The following ARK2C variants were observed in gnomAD, a reference collection of about 807,000 sequenced individuals.
ARK2C encodes arkadia (RNF111) C-terminal like ring finger ubiquitin ligase 2C.
chr18:46,369,377 G>A, the ARK2C span, among the ~76,000 whole-genome samples: 6 of 152,028 alleles, frequency 3.9e-5, no homozygotes, highest in Admixed American at 3.3e-4. Flanking sequence ...GTGTGTGTGT[G>A]TGCTGGGGTG....
the ARK2C span, chr18:46,435,301 G>A: frequency 6.2e-7 from 1 of 1,614,088 alleles, no homozygotes; most frequent in Non-Finnish European, 8.5e-7. Flanking sequence ...GGAGTCAGGA[G>A]CGTGTATCTG....
At chr18:46,353,936 G>A in the ARK2C span, among the ~76,000 whole-genome samples, 1 of 152,094 alleles carries the variant, frequency 6.6e-6, no homozygotes, top group Non-Finnish European at 1.5e-5. Flanking sequence ...TTTATTGGAA[G>A]CCTGGAAAGG....
At chr18:46,368,635 G>A in the ARK2C span, among the ~76,000 whole-genome samples, 1 of 152,210 alleles carries the variant, frequency 6.6e-6, no homozygotes, top group African/African-American at 2.4e-5. Context: ...TTAATCAGTT[G>A]CACAAGGCAC....
the ARK2C span, among the ~76,000 whole-genome samples, chr18:46,364,607 T>C: frequency 2.6e-5 from 4 of 152,288 alleles, no homozygotes; most frequent in African/African-American, 9.6e-5. Flanking sequence ...GATTGGCTTA[T>C]AGCTGGATTT....
At chr18:46,407,757 C>T in the ARK2C span, among the ~76,000 whole-genome samples, 1 of 152,196 alleles carries the variant, frequency 6.6e-6, no homozygotes, top group Non-Finnish European at 1.5e-5. Context: ...TGAGACATAT[C>T]TGGAGAATAC....
the ARK2C span, among the ~76,000 whole-genome samples, chr18:46,349,943 T>C: frequency 6.6e-6 from 1 of 152,186 alleles, no homozygotes; most frequent in African/African-American, 2.4e-5. Flanking sequence ...CATACAGTTA[T>C]AACAGCAGCA....
the ARK2C span, among the ~76,000 whole-genome samples, chr18:46,365,226 G>T: frequency 6.6e-6 from 1 of 152,212 alleles, no homozygotes; most frequent in South Asian, 2.1e-4. Flanking sequence ...AGTGGCCTAA[G>T]CTCAGACCTT....
chr18:46,335,792 G>T, the ARK2C span: 1 of 593,134 alleles, frequency 1.7e-6, no homozygotes, highest in Non-Finnish European at 2.1e-6. Flanking sequence ...AGGCAAGCTT[G>T]GCCCCCTTAG....
At chr18:46,405,070 A>G in the ARK2C span, among the ~76,000 whole-genome samples, 1 of 152,196 alleles carries the variant, frequency 6.6e-6, no homozygotes, top group South Asian at 2.1e-4. Context: ...GGTAAGGCTC[A>G]TCATAGAACC....
chr18:46,414,202 C>T, the ARK2C span, among the ~76,000 whole-genome samples: 1 of 152,360 alleles, frequency 6.6e-6, no homozygotes, highest in East Asian at 1.9e-4. Flanking sequence ...TAGTGAGTGA[C>T]TGATTAAGAC....
the ARK2C span, among the ~76,000 whole-genome samples, chr18:46,390,102 G>A: frequency 6.6e-6 from 1 of 152,128 alleles, no homozygotes; most frequent in African/African-American, 2.4e-5. Context: ...TGGCTTCCCT[G>A]CCTTCTGCAA....
the ARK2C span, among the ~76,000 whole-genome samples, chr18:46,409,424 T>C: frequency 2.0e-5 from 3 of 152,154 alleles, no homozygotes; most frequent in African/African-American, 7.2e-5. Context: ...TGATGCACTC[T>C]TCGTTAGTTT....
the ARK2C span, among the ~76,000 whole-genome samples, chr18:46,398,270 T>C: frequency 6.6e-6 from 1 of 150,926 alleles, no homozygotes; most frequent in Non-Finnish European, 1.5e-5. Flanking sequence ...TGTGTGTGCA[T>C]GTGGTGTGTG....
chr18:46,446,364 T>G, the ARK2C span, among the ~76,000 whole-genome samples: 1 of 152,112 alleles, frequency 6.6e-6, no homozygotes, highest in Non-Finnish European at 1.5e-5. Context: ...TTTCATTTAT[T>G]TACTAGTTTT....
chr18:46,392,039 AATAC>A, the ARK2C span, among the ~76,000 whole-genome samples: 1,695 of 151,704 alleles, frequency 0.011, 24 homozygotes, highest in African/African-American at 0.039. Context: ...CACCACACAT[AATAC>A]ATACAACACA....
the ARK2C span, among the ~76,000 whole-genome samples, chr18:46,351,217 G>A: frequency 9.6e-3 from 1,456 of 152,322 alleles, 24 homozygotes; most frequent in African/African-American, 0.033. Flanking sequence ...TCATCTGGAA[G>A]CTTGTTAAAA....
the ARK2C span, chr18:46,450,454 T>A: frequency 7.7e-7 from 1 of 1,305,678 alleles, no homozygotes; most frequent in Non-Finnish European, 1.1e-6. Context: ...ATTATTGTTA[T>A]CATCCCTTTT....
chr18:46,407,981 A>G, the ARK2C span, among the ~76,000 whole-genome samples: 3 of 152,208 alleles, frequency 2.0e-5, no homozygotes, highest in Admixed American at 1.3e-4. Flanking sequence ...GGGAGGTGGC[A>G]TAGCAGCTGA....
the ARK2C span, among the ~76,000 whole-genome samples, chr18:46,369,162 T>G: frequency 5.9e-5 from 9 of 152,216 alleles, no homozygotes; most frequent in Non-Finnish European, 8.8e-5. Flanking sequence ...TGTTTTCCCC[T>G]GTGTGTATGC....
Sources: gnomAD v4.1 joint callset for allele counts (sites outside exome capture counted in the v4.1 genomes callset) on GRCh38, gnomAD v4.1.1 for gene constraint, MANE v1.5 for transcripts, NCBI Gene and HGNC (gene_info 2026-07-23, HGNC 2026-07-21) for gene names.